CCSER1: variants seen among roughly 807,000 people sequenced by gnomAD.
The protein encoded by CCSER1 is serine-rich coiled-coil domain-containing protein 1.
A neutral mutation model predicts 82.0 loss-of-function variants in CCSER1; 41 were observed. The ratio of observed to expected loss-of-function variants is 0.50; its 90% CI spans 0.39 to 0.65. The LOEUF (loss-of-function observed/expected upper bound fraction) is 0.65, where lower values mean the gene tolerates loss of function less well. Ranked by LOEUF, CCSER1 falls within the 30% of genes least tolerant of loss-of-function variation. The pLI is 0.00. For synonymous variants in CCSER1, 414 were observed against 383.9 expected (o/e 1.08, Z -0.92); for missense variants, 1,119 against 1,064.2 (o/e 1.05, Z -0.72).
chr4:90,591,621 T>C (rs1196231345), intron 5 of CCSER1, among the ~76,000 whole-genome samples: 1 of 152,188 alleles, frequency 6.6e-6, no homozygotes. Flanking sequence ...TGGAAGATGG[T>C]GTAGCGATTC....
chr4:91,549,535 T>C (rs1477474413), intron 10 of CCSER1, among the ~76,000 whole-genome samples: 1 of 152,030 alleles, frequency 6.6e-6, no homozygotes, highest in Non-Finnish European at 1.5e-5. Context: ...CATACTATTA[T>C]TAAGTCTTAG....
At chr4:90,734,307 A>C (rs1745295298) in intron 7 of CCSER1, among the ~76,000 whole-genome samples, 1 of 151,780 alleles carries the variant, frequency 6.6e-6, no homozygotes, top group Non-Finnish European at 1.5e-5. Context: ...TTGTATTTTT[A>C]GTAGAGACGG....
At chr4:90,655,277 TTTAAA>T (rs1216809732) in intron 6 of CCSER1, among the ~76,000 whole-genome samples, 4 of 152,028 alleles carry the variant, frequency 2.6e-5, no homozygotes, top group African/African-American at 7.2e-5. Flanking sequence ...AGCTGCTCTC[TTTAAA>T]TTATCCTCCT....
Position 90,491,585 on chromosome 4 carries a change from G to C in CCSER1, c.1724+23231G>C, listed in dbSNP as rs148794845. On this transcript the variant is annotated intron_variant, in intron 5 of 10. Coordinates refer to ENST00000509176, the MANE Select transcript of CCSER1 (RefSeq NM_001145065.2). ...AGGAGTGGTGAGAGAGGGCATCCCT[G>C]TCTTGTGCCAGTTTTCAAAGGGAGT... Among the ~76,000 whole-genome samples the C allele has an allele frequency of 2.2e-4, 33 of 152,266 alleles. No homozygotes were observed. In the East Asian group the frequency reaches 5.6e-3, roughly 26 times the overall value.
intron 5 of CCSER1, among the ~76,000 whole-genome samples, chr4:90,525,701 G>A (rs970380258): frequency 6.6e-6 from 1 of 151,958 alleles, no homozygotes. Context: ...GAGTGCAGTG[G>A]CAGCATCACT....
At chr4:90,225,575 A>G (rs1218471307) in intron 1 of CCSER1, among the ~76,000 whole-genome samples, 4 of 152,202 alleles carry the variant, frequency 2.6e-5, no homozygotes, top group Non-Finnish European at 4.4e-5. Context: ...TATAGAGGCT[A>G]TGAAACTAGG....
intron 5 of CCSER1, among the ~76,000 whole-genome samples, chr4:90,556,861 TA>T (rs1379285091): frequency 6.6e-6 from 1 of 151,032 alleles, no homozygotes; most frequent in Non-Finnish European, 1.5e-5. Context: ...TGTGTATATA[TA>T]TATATATATG....
intron 3 of CCSER1, among the ~76,000 whole-genome samples, chr4:90,365,306 C>A (rs1225034517): frequency 6.6e-6 from 1 of 151,530 alleles, no homozygotes; most frequent in African/African-American, 2.4e-5. Flanking sequence ...TTGGCTGTCC[C>A]AATTCATGTT....
At chr4:91,163,649 C>G (rs1448018716) in intron 10 of CCSER1, among the ~76,000 whole-genome samples, 1 of 152,160 alleles carries the variant, frequency 6.6e-6, no homozygotes, top group Non-Finnish European at 1.5e-5. Context: ...GGATAGTTAG[C>G]TCTTCTCGTT....
At chr4:91,046,787 G>C (rs766795705) in intron 9 of CCSER1, among the ~76,000 whole-genome samples, 4 of 151,768 alleles carry the variant, frequency 2.6e-5, no homozygotes, top group African/African-American at 9.7e-5. Flanking sequence ...GCACGATCTC[G>C]GCTCACTACA....
chr4:91,426,575 A>G (rs1043494725), intron 10 of CCSER1, among the ~76,000 whole-genome samples: 1 of 152,170 alleles, frequency 6.6e-6, no homozygotes, highest in African/African-American at 2.4e-5. Context: ...AATTTTACAC[A>G]GAAATATTCA....
chr4:90,671,333 A>C (rs796424282), intron 6 of CCSER1, among the ~76,000 whole-genome samples: 8 of 152,162 alleles, frequency 5.3e-5, no homozygotes, highest in African/African-American at 1.9e-4. Flanking sequence ...ATTAGAGTCC[A>C]TCCTCTCAAA....
chr4:91,508,505 A>G (rs1054907644), intron 10 of CCSER1, among the ~76,000 whole-genome samples: 1 of 149,840 alleles, frequency 6.7e-6, no homozygotes, highest in Non-Finnish European at 1.5e-5. Flanking sequence ...TGATTTGCTA[A>G]TACTTTGATG....
intron 5 of CCSER1, among the ~76,000 whole-genome samples, chr4:90,612,788 A>G (rs1484228067): frequency 6.6e-6 from 1 of 152,166 alleles, no homozygotes; most frequent in Non-Finnish European, 1.5e-5. Flanking sequence ...CTTTTGGATA[A>G]TACGTACTCT....
intron 4 of CCSER1, among the ~76,000 whole-genome samples, chr4:90,455,948 A>G (rs911186127): frequency 6.6e-6 from 1 of 152,114 alleles, no homozygotes; most frequent in African/African-American, 2.4e-5. Flanking sequence ...TAAACTTGGG[A>G]CAAAAAAATG....
intron 9 of CCSER1, among the ~76,000 whole-genome samples, chr4:91,032,225 C>T (rs1044062024): frequency 5.3e-5 from 8 of 152,138 alleles, no homozygotes; most frequent in East Asian, 1.9e-4. Flanking sequence ...ACTGTGGGGG[C>T]GAATATGTTA....
chr4:91,174,896 A>G (rs956924560), intron 10 of CCSER1, among the ~76,000 whole-genome samples: 48 of 151,676 alleles, frequency 3.2e-4, no homozygotes, highest in Admixed American at 2.5e-3. Context: ...ATATGTATAC[A>G]TGTGCCATGT....
intron 1 of CCSER1, among the ~76,000 whole-genome samples, chr4:90,181,462 T>G (rs897310703): frequency 5.3e-5 from 8 of 152,094 alleles, no homozygotes; most frequent in African/African-American, 1.9e-4. Flanking sequence ...CTCATCTCCC[T>G]TTTTGCTTTT....
intron 10 of CCSER1, among the ~76,000 whole-genome samples, chr4:91,227,931 G>A (rs1738335162): frequency 6.6e-6 from 1 of 151,952 alleles, no homozygotes; most frequent in Non-Finnish European, 1.5e-5. Flanking sequence ...AATAAAAAGA[G>A]AATTTGTAGA....
Sources: gnomAD v4.1 joint callset for allele counts (sites outside exome capture counted in the v4.1 genomes callset) on GRCh38, gnomAD v4.1.1 for gene constraint, MANE v1.5 for transcripts, NCBI Gene and HGNC (gene_info 2026-07-23, HGNC 2026-07-21) for gene names.